SARDH: variants seen among roughly 807,000 people sequenced by gnomAD.
SARDH encodes sarcosine dehydrogenase, mitochondrial.
A neutral mutation model predicts 109.1 loss-of-function variants in SARDH; 95 were observed. That is an observed-to-expected ratio of 0.87 (90% CI 0.74 to 1.03). The LOEUF is 1.03. Ranked by LOEUF, SARDH falls within the 50% of genes least tolerant of loss-of-function variation. The probability of loss-of-function intolerance (pLI) is 0.00; values close to 1 mark genes in which losing one functional copy is unlikely to be tolerated. For missense variants in SARDH, 1,267 were observed against 1,287.8 expected (o/e 0.98, Z 0.25); for synonymous variants, 572 against 534.8 (o/e 1.07, Z -0.96).
chr9:133,734,344 CTCAT>C (rs781187543), intron 1 of SARDH, 141 bp from the exon 2 acceptor site: 235 of 408,516 alleles, frequency 5.8e-4, no homozygotes, highest in African/African-American at 5.1e-3. Flanking sequence ...CATTCATTCA[CTCAT>C]TCATTCATTC....
intron 17 of SARDH, among the ~76,000 whole-genome samples, chr9:133,681,571 G>A (rs904367558): frequency 1.3e-5 from 2 of 152,194 alleles, no homozygotes; most frequent in Non-Finnish European, 2.9e-5. Context: ...CTTCCATCCT[G>A]GGACCCCAAT....
At chr9:133,727,955 C>CA (rs1832550205) in intron 6 of SARDH, among the ~76,000 whole-genome samples, 1 of 152,102 alleles carries the variant, frequency 6.6e-6, no homozygotes, top group Non-Finnish European at 1.5e-5. Context: ...CCTGACGCCC[C>CA]AGGACACAGC....
rs755169926 is a variant in SARDH, at chr9:133,692,859, G to A, written c.1921+1399C>T. 1.3e-4 allele frequency among the ~76,000 whole-genome samples: 20 copies of A among 152,140 alleles called. No homozygotes were observed. Among genetic ancestry groups the A allele is most frequent in the Admixed American group, 6.5e-5 (1 of 15,276 alleles). Reference sequence around the variant, plus strand: ...CTCCCTCAGCCTCCACGTCGCCAACGGCAGGAGGGAAGGGGTGGGCGAGCT... The same window carrying A: ...CTCCCTCAGCCTCCACGTCGCCAACAGCAGGAGGGAAGGGGTGGGCGAGCT... On this transcript the variant is annotated intron_variant, in intron 15 of 20. Coordinates refer to ENST00000439388, the MANE Select transcript of SARDH (RefSeq NM_001134707.2). The surrounding 1 kb of genome is among the most constrained non-coding windows in gnomAD (Gnocchi z 5.0).
intron 6 of SARDH, among the ~76,000 whole-genome samples, chr9:133,721,918 C>A (rs531944556): frequency 2.0e-5 from 3 of 152,130 alleles, no homozygotes; most frequent in Admixed American, 2.0e-4. Flanking sequence ...GAGTTCGAGA[C>A]CAGCCTTGGC....
At chr9:133,719,653 A>G (rs887531999) in intron 6 of SARDH, among the ~76,000 whole-genome samples, 3 of 108,144 alleles carry the variant, frequency 2.8e-5, no homozygotes, top group African/African-American at 1.1e-4. Flanking sequence ...CCCCAGGAGC[A>G]GATTGGAGAC....
At chr9:133,677,030 T>C (rs1458782007) in intron 17 of SARDH, among the ~76,000 whole-genome samples, 1 of 151,990 alleles carries the variant, frequency 6.6e-6, no homozygotes, top group Non-Finnish European at 1.5e-5. Context: ...TCCCAGCTAC[T>C]TGGGAGGCTG....
Position 133,694,388 on chromosome 9 carries a change from G to A in SARDH, c.1808-17C>T, listed in dbSNP as rs1219739757. The A allele has an allele frequency of 1.9e-6, 3 of 1,545,626 alleles. No homozygotes were observed. In the African/African-American group the frequency reaches 4.1e-5, roughly 21 times the overall value. On this transcript the variant is annotated splice_polypyrimidine_tract_variant and intron_variant, in intron 14 of 20. Transcript: ENST00000439388. ...CGGTGGAGCCTGCGAGAGGGAGAAG[G>A]AAGCCGGGTCTGTGCTGAGGCCCCA...
chr9:133,663,795 A>G lies in SARDH; in HGVS notation c.*94T>C. ...CTAGGCTAAGGACAGGGAGGGCACA[A>G]GTTCTGGCTGGGTCCAGGGTCCTGG... On this transcript the variant is annotated 3_prime_UTR_variant, in exon 21 of 21. Transcript: ENST00000439388. 6 of 1,544,898 alleles carry G rather than the reference A, an allele frequency of 3.9e-6. No homozygotes were observed. The South Asian group carries it at 7.3e-5, about 19-fold the overall frequency.
intron 17 of SARDH, among the ~76,000 whole-genome samples, chr9:133,680,767 C>G (rs1193095422): frequency 1.3e-5 from 2 of 148,860 alleles, no homozygotes; most frequent in Non-Finnish European, 2.9e-5. Flanking sequence ...CAGGCCCACA[C>G]TGGCCACTCC....
rs776950707 is a variant in SARDH at position 133,670,635 on chromosome 9, T to C, written c.2444A>G (p.Gln815Arg). The change falls in exon 19 of 21, where the codon CAG (glutamine) becomes CGG (arginine). Residue 815 changes from glutamine to arginine, a missense_variant. Physicochemically the swap from Gln to Arg is conservative, Grantham distance 43. Transcript: ENST00000439388. ...VPFLGREALE[Q>R]QRAAGLRRRL... ...CCGGCGGAGGCCTGCGGCCCGCTGC[T>C]GCTCCAGGGCCTCCCTCCCCAGGAA... The C allele has an allele frequency of 2.7e-5, 43 of 1,584,784 alleles. No homozygotes were observed. The highest frequency in any genetic ancestry group is 3.5e-5 in the Non-Finnish European group (41 of 1,166,114).
At position 133,704,199 on chromosome 9, in the gene SARDH, C is replaced by T. The variant is rs530986367; in HGVS notation, c.1554+749G>A. Among the ~76,000 whole-genome samples, 6 of 152,130 alleles carry T rather than the reference C, an allele frequency of 3.9e-5. No individual in the cohort carries two copies. The highest frequency in any genetic ancestry group is 9.7e-5 in the African/African-American group (4 of 41,426). ...CAGCTCTGGCTCTCATCTCCCCTCC[C>T]GATGCCCTGGAGCTCTGGAGCCTGG... On this transcript the variant is annotated intron_variant, in intron 12 of 20. Transcript: ENST00000439388. This position sits in a 1 kb window ranked among gnomAD's most constrained non-coding sequence, Gnocchi z 4.5.
rs1023036669 is a variant in SARDH at position 133,693,280 on chromosome 9, G to A, written c.1921+978C>T. On this transcript the variant is annotated intron_variant, in intron 15 of 20. Transcript: ENST00000439388. This position sits in a 1 kb window ranked among gnomAD's most constrained non-coding sequence, Gnocchi z 5.6. ...CAGTCGGTGCTCAATGACTGCTGCC[G>A]AAGGTGCGGGTTATGAGCTGATCAT... Among the ~76,000 whole-genome samples the A allele has an allele frequency of 2.0e-5, 3 of 152,156 alleles. No individual in the cohort carries two copies. The highest frequency in any genetic ancestry group is 1.9e-4 in the East Asian group (1 of 5,200).
chr9:133,677,642 G>C (rs970211106), intron 17 of SARDH, among the ~76,000 whole-genome samples: 1 of 152,228 alleles, frequency 6.6e-6, no homozygotes, highest in Non-Finnish European at 1.5e-5. Context: ...GGTTGGGGCA[G>C]GGGTCCTTTG....
chr9:133,730,231 C>T (rs374828715), intron 4 of SARDH, 44 bp from the exon 5 acceptor site: 29 of 1,605,784 alleles, frequency 1.8e-5, no homozygotes, highest in African/African-American at 9.4e-5. Context: ...CGGGACTCCC[C>T]GGGGGTGCTT....
At chr9:133,707,589 C>T (rs548143170) in intron 11 of SARDH, among the ~76,000 whole-genome samples, 1 of 152,290 alleles carries the variant, frequency 6.6e-6, no homozygotes, top group African/African-American at 2.4e-5. Flanking sequence ...TCCCTCTTGC[C>T]TCCCCGCCCA....
chr9:133,664,124 C>T (rs970853689), intron 20 of SARDH, 110 bp from the exon 21 acceptor site: 1 of 1,419,746 alleles, frequency 7.0e-7, no homozygotes, highest in African/African-American at 1.4e-5. Flanking sequence ...GCCCTGTGGG[C>T]AAACTCATCC....
chr9:133,713,304 C>G (rs1831999567), intron 8 of SARDH, among the ~76,000 whole-genome samples, 180 bp from the exon 9 acceptor site: 1 of 152,080 alleles, frequency 6.6e-6, no homozygotes, highest in South Asian at 2.1e-4. Flanking sequence ...TGGCTCCTGC[C>G]CGTGCTCTCT....
chr9:133,665,422 C>G (rs1440048244), intron 20 of SARDH, among the ~76,000 whole-genome samples: 4 of 152,212 alleles, frequency 2.6e-5, no homozygotes, highest in African/African-American at 7.2e-5. Context: ...CCCTGCCCAC[C>G]GTGGGAGCCA....
At chr9:133,664,258 A>G (rs1020095677) in intron 20 of SARDH, among the ~76,000 whole-genome samples, 2 of 152,120 alleles carry the variant, frequency 1.3e-5, no homozygotes, top group Non-Finnish European at 1.5e-5. Flanking sequence ...GGCAGCCAAT[A>G]TGACTTCCAC....
Sources: allele counts gnomAD v4.1 joint callset (sites outside exome capture counted in the v4.1 genomes callset), GRCh38; gene constraint gnomAD v4.1.1; non-coding constraint Gnocchi (gnomAD v3.1); transcripts MANE v1.5; gene names NCBI Gene and HGNC (gene_info 2026-07-23, HGNC 2026-07-21).